RUBCNL: variants seen among roughly 807,000 people sequenced by gnomAD.
The protein encoded by RUBCNL is protein associated with UVRAG as autophagy enhancer.
A neutral mutation model predicts 69.5 loss-of-function variants in RUBCNL; 62 were observed. That is an observed-to-expected ratio of 0.89 (90% CI 0.73 to 1.10). The LOEUF (loss-of-function observed/expected upper bound fraction) is 1.10. Ranked by LOEUF, RUBCNL falls within the 50% of genes least tolerant of loss-of-function variation. The pLI is 0.00. For synonymous variants in RUBCNL, 291 were observed against 303.6 expected, an observed-to-expected ratio of 0.96 and a Z score of 0.43; for missense variants, 768 against 798.1, an observed-to-expected ratio of 0.96 and a Z score of 0.45.
Position 46,359,531 on chromosome 13 carries a change from G to C in RUBCNL, c.1220C>G (p.Ala407Gly). 1 of 1,596,956 alleles carries C rather than the reference G, an allele frequency of 6.3e-7. No homozygotes were observed. Among genetic ancestry groups the C allele is most frequent in the Non-Finnish European group, 8.5e-7 (1 of 1,171,138 alleles). ...AAATATGATTTGAAATCTAGGAGGA[G>C]CCCAGTCTTCAGTCCCTCTGATCCT... ...KSRIRGTEDWAPPRFQIIFNI... is the reference protein window; with the variant it reads ...KSRIRGTEDWGPPRFQIIFNI... Residue 407 changes from alanine to glycine, a missense_variant, in exon 9 of 15, where the codon GCT becomes GGT. By Grantham distance (60) the Ala-to-Gly change is moderately conservative (BLOSUM62 0). Transcript: ENST00000429979.
chr13:46,356,453 A>G lies in RUBCNL; in HGVS notation c.1309T>C (p.Cys437Arg). Residue 437 changes from cysteine to arginine, a missense_variant, in exon 10 of 15, where the codon TGT becomes CGT. Coordinates refer to ENST00000429979, the MANE Select transcript of RUBCNL (RefSeq NM_025113.5). ...TTACTAGGCTCTACTGGAGTTCCAC[A>G]GCCGGCACAGAAAAAATTCTGGGCT... ...VAAQNFFCAG[C>R]GTPVEPKFVK... The G allele has an allele frequency of 6.2e-7, 1 of 1,613,986 alleles. No homozygotes were observed. Among genetic ancestry groups the G allele is most frequent in the Non-Finnish European group, 8.5e-7 (1 of 1,179,878 alleles).
At chr13:46,346,337 C>A (rs1039701083) in intron 12 of RUBCNL, among the ~76,000 whole-genome samples, 1 of 152,206 alleles carries the variant, frequency 6.6e-6, no homozygotes, top group South Asian at 2.1e-4. Context: ...CCCAATCCCT[C>A]TTCTTTGCTC....
At chr13:46,352,670 G>T (rs370652275) in intron 10 of RUBCNL, among the ~76,000 whole-genome samples, 1 of 152,148 alleles carries the variant, frequency 6.6e-6, no homozygotes, top group African/African-American at 2.4e-5. Flanking sequence ...TTGGAGTGGC[G>T]GTGCATGCTT....
At chr13:46,355,183 G>A (rs1238711515) in intron 10 of RUBCNL, among the ~76,000 whole-genome samples, 2 of 152,056 alleles carry the variant, frequency 1.3e-5, no homozygotes, top group Non-Finnish European at 2.9e-5. Flanking sequence ...TTTCCACAAA[G>A]CTCCTCTTTC....
At chr13:46,353,736 G>A (rs1400635553) in intron 10 of RUBCNL, among the ~76,000 whole-genome samples, 1 of 152,198 alleles carries the variant, frequency 6.6e-6, no homozygotes, top group African/African-American at 2.4e-5. Context: ...AGGGGGTTGG[G>A]TGGAAGAGAA....
chr13:46,343,429 C>T lies in RUBCNL; in HGVS notation c.1945G>A (p.Ala649Thr), dbSNP rs201909089. 5.0e-6 allele frequency: 8 copies of T among 1,613,818 alleles called. No homozygotes were observed. Reference protein sequence around the residue: ...SECPRCARITARRKLLESVAS... With the variant: ...SECPRCARITTRRKLLESVAS... ...ACACTTTCCAGAAGTTTTCTCCTCG[C>T]TGTGATCCTCGCACACCGGGGGCAC... Residue 649 changes from alanine (A) to threonine (T), a missense_variant, in exon 15 of 15, where the codon GCG (alanine) becomes ACG (threonine). Physicochemically the swap from Ala to Thr is moderately conservative, Grantham distance 58 (BLOSUM62 0). Transcript: ENST00000429979.
rs373486914 is a variant in RUBCNL at position 46,387,034 on chromosome 13, TC to T, written c.-239+99del. 4.7e-4 allele frequency: 442 copies of T among 941,644 alleles called. 3 individuals carry two copies. In the African/African-American group the frequency reaches 7.5e-3, roughly 16 times the overall value. 58.3% of individuals were successfully genotyped at this position (941,644 alleles called of 1,614,324 possible). A position where few individuals can be genotyped will look rare whatever the true frequency, so the allele number is the denominator to read the frequency against. On this transcript the variant is annotated intron_variant, in intron 1 of 14. Coordinates refer to ENST00000429979, the MANE Select transcript of RUBCNL (RefSeq NM_025113.5). ...GGGCACAAACCTCTCTGGCGCCACTTCCACCATCCAACCTCTCCCGCGGCCC... is the reference window on the plus strand; with the variant it reads ...GGGCACAAACCTCTCTGGCGCCACTTCACCATCCAACCTCTCCCGCGGCCC...
Position 46,368,084 on chromosome 13 carries a change from G to C in RUBCNL, c.784C>G (p.Gln262Glu). 6.2e-7 allele frequency: 1 copy of C among 1,613,948 alleles called. No homozygotes were observed. The highest frequency in any genetic ancestry group is 8.5e-7 in the Non-Finnish European group (1 of 1,179,862). ...SEMTFDTNIK[Q>E]ESGSSTSSYS... ...GAAGAAGTAGAAGACCCAGACTCTT[G>C]CTTTATGTTGGTATCAAAAGTCATT... The change falls in exon 5 of 15, where the codon CAA (glutamine) becomes GAA (glutamate). Residue 262 changes from glutamine (Q) to glutamate (E), a missense_variant. Transcript: ENST00000429979.
Position 46,343,289 on chromosome 13 carries a change from A to T in RUBCNL, c.*96T>A. ...TAGACCATCTTTTTCCTTAATATACAATACCCAATATCTAAAACAATGTCA... is the reference window on the plus strand; with the variant it reads ...TAGACCATCTTTTTCCTTAATATACTATACCCAATATCTAAAACAATGTCA... On this transcript the variant is annotated 3_prime_UTR_variant, in exon 15 of 15. Coordinates refer to ENST00000429979, the MANE Select transcript of RUBCNL (RefSeq NM_025113.5). 1 of 1,537,684 alleles carries T rather than the reference A, an allele frequency of 6.5e-7. No individual in the cohort carries two copies. The highest frequency in any genetic ancestry group is 8.8e-7 in the Non-Finnish European group (1 of 1,133,456).
chr13:46,343,594 G>A, intron 14 of RUBCNL, 97 bp from the exon 15 acceptor site: 1 of 1,278,268 alleles, frequency 7.8e-7, no homozygotes, highest in Non-Finnish European at 1.1e-6. Flanking sequence ...AGAGGGGTCT[G>A]AATCCAGAGC....
Position 46,349,843 on chromosome 13 carries a change from A to AT in RUBCNL, c.1569+269dup, listed in dbSNP as rs111266554. Among the ~76,000 whole-genome samples the AT allele has an allele frequency of 5.1e-3, 737 of 145,434 alleles. 7 individuals carry two copies. Among genetic ancestry groups the AT allele is most frequent in the African/African-American group, 0.017 (668 of 39,780 alleles). Reference sequence around the variant, plus strand: ...AGGCGTGTGCTACTATACCTGACTAATTTTTTTTTTTTTAATTTCTAGTAG... The same window carrying AT: ...AGGCGTGTGCTACTATACCTGACTAATTTTTTTTTTTTTTAATTTCTAGTAG... On this transcript the variant is annotated intron_variant, in intron 11 of 14. Coordinates refer to ENST00000429979, the MANE Select transcript of RUBCNL (RefSeq NM_025113.5).
Position 46,353,038 on chromosome 13 carries a change from C to T in RUBCNL, c.1331-2687G>A, listed in dbSNP as rs540662690. Among the ~76,000 whole-genome samples, 33 of 152,250 alleles carry T rather than the reference C, an allele frequency of 2.2e-4. No homozygotes were observed. The South Asian group carries it at 6.6e-3, about 31-fold the overall frequency. ...CAGGGCCACACGAACAGTATGTAGGCAGGCAGGATTCCAACCCAAGCCTGG... is the reference window on the plus strand; with the variant it reads ...CAGGGCCACACGAACAGTATGTAGGTAGGCAGGATTCCAACCCAAGCCTGG... On this transcript the variant is annotated intron_variant, in intron 10 of 14. Coordinates refer to ENST00000429979, the MANE Select transcript of RUBCNL (RefSeq NM_025113.5).
At chr13:46,358,578 G>C (rs894737867) in intron 9 of RUBCNL, among the ~76,000 whole-genome samples, 4 of 151,952 alleles carry the variant, frequency 2.6e-5, no homozygotes, top group African/African-American at 7.3e-5. Context: ...TTTTGAGATC[G>C]AGTCTCGCTC....
intron 14 of RUBCNL, 22 bp from the exon 15 acceptor site, chr13:46,343,519 G>A (rs111512984): frequency 1.1e-4 from 182 of 1,607,808 alleles, no homozygotes; most frequent in Middle Eastern, 1.7e-4. Context: ...GAAGAGAGCC[G>A]TTAGCAAACG....
At chr13:46,346,613 T>C (rs1279439840) in intron 12 of RUBCNL, among the ~76,000 whole-genome samples, 6 of 152,130 alleles carry the variant, frequency 3.9e-5, no homozygotes, top group Non-Finnish European at 5.9e-5. Context: ...TTGTTCTATG[T>C]TGTGGATGAA....
intron 13 of RUBCNL, 44 bp downstream of exon 13, chr13:46,345,403 G>A (rs1324677741): frequency 3.2e-6 from 5 of 1,545,326 alleles, no homozygotes; most frequent in Non-Finnish European, 4.4e-6. Flanking sequence ...CCCAGCACAG[G>A]CCCTGGTGCA....
In RUBCNL at chr13:46,350,358, A is replaced by T; in HGVS notation, c.1331-7T>A. ...CGGAGCCGCTTCACAAACTCTGCCA[A>T]GCATACCGGAGGGTGAGTGCCACAC... On this transcript the variant is annotated splice_polypyrimidine_tract_variant and splice_region_variant and intron_variant, in intron 10 of 14. Coordinates refer to ENST00000429979, the MANE Select transcript of RUBCNL (RefSeq NM_025113.5). 1 of 1,525,674 alleles carries T rather than the reference A, an allele frequency of 6.6e-7. No homozygotes were observed. Among genetic ancestry groups the T allele is most frequent in the South Asian group, 1.2e-5 (1 of 83,502 alleles). 94.5% of individuals were successfully genotyped at this position (1,525,674 alleles called of 1,614,324 possible). A position where few individuals can be genotyped will look rare whatever the true frequency, so the allele number is the denominator to read the frequency against.
At chr13:46,362,964 A>ATATATC in intron 6 of RUBCNL, 151 bp downstream of exon 6, 1 of 160,722 alleles carries the variant, frequency 6.2e-6, no homozygotes, top group Non-Finnish European at 1.2e-5. Flanking sequence ...ATATATATAT[A>ATATATC]TATATATATA....
intron 10 of RUBCNL, chr13:46,354,731 T>C (rs897770976): frequency 2.0e-5 from 9 of 455,130 alleles, no homozygotes; most frequent in Admixed American, 2.4e-5. Flanking sequence ...ACTCTTTTGT[T>C]ACGTACATCA....
Sources: gnomAD v4.1 joint callset for allele counts (sites outside exome capture counted in the v4.1 genomes callset) on GRCh38, gnomAD v4.1.1 for gene constraint, MANE v1.5 for transcripts, NCBI Gene and HGNC (gene_info 2026-07-23, HGNC 2026-07-21) for gene names.